RBPMS: variants seen among roughly 807,000 people sequenced by gnomAD.
RBPMS encodes RNA-binding protein with multiple splicing.
A neutral mutation model predicts 26.8 loss-of-function variants in RBPMS; 7 were observed. The ratio of observed to expected loss-of-function variants is 0.26; its 90% CI spans 0.15 to 0.49. The LOEUF (loss-of-function observed/expected upper bound fraction) is 0.49. RBPMS is among the 20% of genes least tolerant of loss of function. The pLI is 0.98. For synonymous variants in RBPMS, 96 were observed against 93.3 expected (o/e 1.03, Z -0.17); for missense variants, 186 against 250.0 (o/e 0.74, Z 1.73).
At chr8:30,423,824 G>GGTTT (rs1811072029) in intron 1 of RBPMS, among the ~76,000 whole-genome samples, 1 of 133,396 alleles carries the variant, frequency 7.5e-6, no homozygotes, top group African/African-American at 3.1e-5. Context: ...TGGGTTTTTT[G>GGTTT]TTTTTTTTGT....
chr8:30,385,925 G>A (rs566650968), intron 1 of RBPMS, among the ~76,000 whole-genome samples: 1 of 152,302 alleles, frequency 6.6e-6, no homozygotes, highest in African/African-American at 2.4e-5. Flanking sequence ...TTGAGTAGAT[G>A]TGGTCAGAAG....
At chr8:30,443,279 A>G (rs1033239511) in intron 1 of RBPMS, among the ~76,000 whole-genome samples, 9 of 152,220 alleles carry the variant, frequency 5.9e-5, no homozygotes, top group African/African-American at 2.2e-4. Context: ...GTTTTTTAAA[A>G]TGGTGTCCTG....
At chr8:30,428,247 T>G (rs181326281) in intron 1 of RBPMS, among the ~76,000 whole-genome samples, 6 of 152,022 alleles carry the variant, frequency 3.9e-5, no homozygotes, top group Non-Finnish European at 7.4e-5. Flanking sequence ...GGTCTTAATC[T>G]CTTGACCTCG....
intron 6 of RBPMS, chr8:30,547,448 C>G (rs1252815783): frequency 1.3e-6 from 2 of 1,576,936 alleles, no homozygotes; most frequent in Non-Finnish European, 1.7e-6. Context: ...TATTTTCCCC[C>G]CTTTCACAAA....
chr8:30,448,469 T>C (rs2150736034), intron 1 of RBPMS, among the ~76,000 whole-genome samples: 1 of 152,232 alleles, frequency 6.6e-6, no homozygotes, highest in Admixed American at 6.5e-5. Flanking sequence ...CCTTTTCCAT[T>C]CCCTCCCATC....
intron 6 of RBPMS, among the ~76,000 whole-genome samples, chr8:30,549,977 AG>A (rs1253811671): frequency 6.6e-6 from 1 of 151,412 alleles, no homozygotes; most frequent in Admixed American, 6.6e-5. Context: ...CAGCCTCCCA[AG>A]TAGCTGGGAC....
chr8:30,440,481 G>A (rs140251692), intron 1 of RBPMS, among the ~76,000 whole-genome samples: 399 of 152,258 alleles, frequency 2.6e-3, no homozygotes, highest in Non-Finnish European at 4.4e-3. Flanking sequence ...TCAGCCTAAT[G>A]TACTCAAAAT....
chr8:30,427,325 T>A (rs1367395070), intron 1 of RBPMS, among the ~76,000 whole-genome samples: 1 of 152,190 alleles, frequency 6.6e-6, no homozygotes, highest in Admixed American at 6.5e-5. Flanking sequence ...GCATTGATGT[T>A]GAAAGGGGTC....
intron 1 of RBPMS, among the ~76,000 whole-genome samples, chr8:30,410,971 C>G (rs1809323420): frequency 6.6e-6 from 1 of 152,078 alleles, no homozygotes; most frequent in Non-Finnish European, 1.5e-5. Context: ...AACTCGTGGG[C>G]TCTAGTGATC....
At chr8:30,416,591 T>G (rs1160212812) in intron 1 of RBPMS, among the ~76,000 whole-genome samples, 1 of 152,172 alleles carries the variant, frequency 6.6e-6, no homozygotes, top group African/African-American at 2.4e-5. Flanking sequence ...CATGCCATTC[T>G]CCTGCCTCAG....
intron 4 of RBPMS, among the ~76,000 whole-genome samples, chr8:30,496,601 A>C (rs193134311): frequency 4.6e-5 from 7 of 152,330 alleles, no homozygotes; most frequent in Admixed American, 2.0e-4. Flanking sequence ...TTATGTTGAC[A>C]AACCTGTATT....
At chr8:30,553,506 A>G (rs1156813426) in intron 6 of RBPMS, 3 of 152,226 alleles carry the variant, frequency 2.0e-5, no homozygotes, top group East Asian at 1.9e-4. Flanking sequence ...TAATGGCCTA[A>G]CGTGCTTTAT....
chr8:30,499,138 A>G (rs1469123376), intron 4 of RBPMS, among the ~76,000 whole-genome samples: 1 of 152,142 alleles, frequency 6.6e-6, no homozygotes, highest in Non-Finnish European at 1.5e-5. Flanking sequence ...AAAAGGAGCA[A>G]TGAAGGCAAT....
intron 1 of RBPMS, among the ~76,000 whole-genome samples, chr8:30,452,576 G>A (rs929929550): frequency 3.7e-4 from 56 of 152,286 alleles, no homozygotes; most frequent in African/African-American, 1.3e-3. Context: ...TGCATAGGGA[G>A]GATCCGTATC....
At chr8:30,479,287 T>C (rs371106722) in intron 3 of RBPMS, 28 bp from the exon 4 acceptor site, 10 of 1,578,692 alleles carry the variant, frequency 6.3e-6, no homozygotes, top group South Asian at 1.1e-5. Context: ...TGATTTTTTT[T>C]CTTCATATTT....
intron 4 of RBPMS, among the ~76,000 whole-genome samples, chr8:30,489,251 T>G (rs1819118823): frequency 6.6e-6 from 1 of 152,056 alleles, no homozygotes; most frequent in African/African-American, 2.4e-5. Flanking sequence ...CTCTCTGTAT[T>G]GCCCAGGCTG....
At chr8:30,421,607 C>A (rs990760848) in intron 1 of RBPMS, among the ~76,000 whole-genome samples, 4 of 152,056 alleles carry the variant, frequency 2.6e-5, no homozygotes, top group Non-Finnish European at 5.9e-5. Flanking sequence ...AGGATAATGT[C>A]ATATCCTCAC....
chr8:30,443,081 T>G (rs2150714520), intron 1 of RBPMS, among the ~76,000 whole-genome samples: 1 of 152,342 alleles, frequency 6.6e-6, no homozygotes, highest in African/African-American at 2.4e-5. Flanking sequence ...CAGTTGGCAG[T>G]GGCTCCTCCG....
At position 30,544,580 on chromosome 8, in the gene RBPMS, C is replaced by G; in HGVS notation, c.484C>G (p.Leu162Val). The G allele has an allele frequency of 4.3e-6, 7 of 1,614,190 alleles. No individual in the cohort carries two copies. Among genetic ancestry groups the G allele is most frequent in the Non-Finnish European group, 5.9e-6 (7 of 1,180,032 alleles). Residue 162 changes from leucine (L) to valine (V), a missense_variant, in exon 6 of 9, where the codon CTA becomes GTA. Coordinates refer to ENST00000397323, the MANE Select transcript of RBPMS (RefSeq NM_001008710.3). The stretch of plus-strand genomic sequence containing the variant: ...GTACCCAGCGGAGTTAGCGCCTGCT[C>G]TACCTCCTCCTGCTTTCACCTATCC... ...PLYPAELAPA[L>V]PPPAFTYPAS... is the part of the protein sequence containing the mutation.
Sources: gnomAD v4.1 joint callset for allele counts (sites outside exome capture counted in the v4.1 genomes callset) on GRCh38, gnomAD v4.1.1 for gene constraint, MANE v1.5 for transcripts, NCBI Gene and HGNC (gene_info 2026-07-23, HGNC 2026-07-21) for gene names.